DGCR2: variants seen among roughly 807,000 people sequenced by gnomAD.
The protein encoded by DGCR2 is integral membrane protein DGCR2/IDD.
A neutral mutation model predicts 51.6 loss-of-function variants in DGCR2; 24 were observed. The ratio of observed to expected loss-of-function variants is 0.47; its 90% confidence interval spans 0.34 to 0.65. The LOEUF (loss-of-function observed/expected upper bound fraction) is 0.65, where lower values mean the gene tolerates loss of function less well. Ranked by LOEUF, DGCR2 falls within the 30% of genes least tolerant of loss-of-function variation. DGCR2 has a pLI of 0.01. For synonymous variants in DGCR2, 340 were observed against 315.4 expected, an observed-to-expected ratio of 1.08 and a Z score of -0.82; for missense variants, 765 against 772.1, an observed-to-expected ratio of 0.99 and a Z score of 0.11.
intron 1 of DGCR2, among the ~76,000 whole-genome samples, chr22:19,118,593 T>C (rs1038507715): frequency 3.9e-5 from 6 of 152,086 alleles, no homozygotes; most frequent in Admixed American, 1.3e-4. Context: ...CTCTCCCAGC[T>C]AGCTGTACCA....
At chr22:19,101,756 A>AAG (rs36031898) in intron 1 of DGCR2, among the ~76,000 whole-genome samples, 1 of 146,010 alleles carries the variant, frequency 6.8e-6, no homozygotes, top group Non-Finnish European at 1.5e-5. Context: ...AAAAAAAAAA[A>AAG]GTGAATGTGG....
At chr22:19,102,894 T>C (rs552203162) in intron 1 of DGCR2, among the ~76,000 whole-genome samples, 186 of 152,182 alleles carry the variant, frequency 1.2e-3, no homozygotes, top group Non-Finnish European at 2.1e-3. Context: ...TGGTCCTAGC[T>C]ACTCCGGAGG....
At chr22:19,071,946 A>G (rs776140227) in intron 2 of DGCR2, among the ~76,000 whole-genome samples, 1 of 152,186 alleles carries the variant, frequency 6.6e-6, no homozygotes, top group Non-Finnish European at 1.5e-5. Flanking sequence ...GCGGCAGGAC[A>G]CTATCAGCTG....
At chr22:19,089,805 T>C (rs1475267136) in intron 1 of DGCR2, among the ~76,000 whole-genome samples, 3 of 152,254 alleles carry the variant, frequency 2.0e-5, no homozygotes, top group Non-Finnish European at 4.4e-5. Flanking sequence ...GGTCTTGAAC[T>C]CCTGGCCTCA....
intron 1 of DGCR2, among the ~76,000 whole-genome samples, chr22:19,107,144 A>C (rs2083268352): frequency 6.8e-6 from 1 of 147,630 alleles, no homozygotes; most frequent in South Asian, 2.1e-4. Flanking sequence ...ACACATAACC[A>C]CCAAACCCAT....
intron 1 of DGCR2, among the ~76,000 whole-genome samples, chr22:19,117,008 C>G (rs967122208): frequency 3.3e-5 from 5 of 152,144 alleles, no homozygotes; most frequent in Admixed American, 2.0e-4. Flanking sequence ...ACAACCAGAT[C>G]ACCTCCCACC....
At position 19,057,288 on chromosome 22, in the gene DGCR2, G is replaced by C. The variant is rs1321930102; in HGVS notation, c.626-126C>G. ...AGGGCCTGGACCGCCAAGTACTGGT[G>C]GTCACTGTGGCCAGGTGTTCACTCG... On this transcript the variant is annotated intron_variant, in intron 5 of 9. Coordinates refer to ENST00000263196, the MANE Select transcript of DGCR2 (RefSeq NM_005137.3). This position sits in a 1 kb window ranked among gnomAD's most constrained non-coding sequence, Gnocchi z 5.1. The C allele has an allele frequency of 1.9e-6, 2 of 1,077,708 alleles. No homozygotes were observed. Among genetic ancestry groups the C allele is most frequent in the Non-Finnish European group, 2.6e-6 (2 of 771,558 alleles). The allele number at this position is 1,077,708 out of a possible 1,614,324, so 66.8% of individuals were successfully genotyped here. A position where few individuals can be genotyped will look rare whatever the true frequency, so the allele number is the denominator to read the frequency against.
intron 4 of DGCR2, 107 bp from the exon 5 acceptor site, chr22:19,063,385 G>C: frequency 6.7e-6 from 7 of 1,037,150 alleles, no homozygotes; most frequent in South Asian, 2.8e-5. Context: ...TCTGTCACCA[G>C]GATGGAGTGC....
At chr22:19,098,257 T>C (rs1355740401) in intron 1 of DGCR2, among the ~76,000 whole-genome samples, 1 of 152,130 alleles carries the variant, frequency 6.6e-6, no homozygotes, top group Non-Finnish European at 1.5e-5. Context: ...CTCCCCTAAC[T>C]GAGTCGGCCT....
At chr22:19,039,574 G>A (rs544703422) in intron 9 of DGCR2, among the ~76,000 whole-genome samples, 96 of 152,296 alleles carry the variant, frequency 6.3e-4, no homozygotes, top group African/African-American at 2.2e-3. Context: ...GGCTGCAGCT[G>A]GAATGTGGCA....
chr22:19,098,145 C>A (rs1327991595), intron 1 of DGCR2, among the ~76,000 whole-genome samples: 3 of 152,164 alleles, frequency 2.0e-5, no homozygotes, highest in African/African-American at 7.2e-5. Flanking sequence ...TGTCTTGCTA[C>A]ATCCTGAACA....
chr22:19,047,469 A>C (rs2082502271), intron 7 of DGCR2: 1 of 152,238 alleles, frequency 6.6e-6, no homozygotes, highest in Non-Finnish European at 1.5e-5. Flanking sequence ...CCACAAGTCC[A>C]GGGGCTTCCA....
At chr22:19,074,721 A>G (rs1369939631) in intron 2 of DGCR2, among the ~76,000 whole-genome samples, 3 of 152,270 alleles carry the variant, frequency 2.0e-5, no homozygotes, top group Non-Finnish European at 4.4e-5. Context: ...AATTGTATGC[A>G]TAAGTAACTT....
intron 6 of DGCR2, among the ~76,000 whole-genome samples, chr22:19,054,657 G>A (rs2082582247): frequency 6.6e-6 from 1 of 152,020 alleles, no homozygotes; most frequent in East Asian, 1.9e-4. Context: ...CTTGAGCCTA[G>A]GAGTTCAAGA....
chr22:19,109,678 A>G (rs1335952730), intron 1 of DGCR2, among the ~76,000 whole-genome samples: 1 of 152,192 alleles, frequency 6.6e-6, no homozygotes, highest in African/African-American at 2.4e-5. Context: ...TGCAAGATGA[A>G]AACATTCTAG....
chr22:19,084,766 G>A (rs1412817039), intron 2 of DGCR2, among the ~76,000 whole-genome samples: 1 of 146,840 alleles, frequency 6.8e-6, no homozygotes, highest in East Asian at 2.1e-4. Flanking sequence ...GGAGGTGGGG[G>A]GTCAGCCCCC....
In DGCR2 at chr22:19,038,863, G is replaced by A. The variant is rs767390108; in HGVS notation, c.*2C>T. ...AGACCGTTGGGGTACAGGCCAGGCC[G>A]TCTACACCACAGTATTGAGGGAGCT... is the stretch of plus-strand genomic sequence containing the variant. On this transcript the variant is annotated 3_prime_UTR_variant, in exon 10 of 10. Coordinates refer to ENST00000263196, the MANE Select transcript of DGCR2 (RefSeq NM_005137.3). 38 of 1,612,254 alleles carry A rather than the reference G, an allele frequency of 2.4e-5. No individual in the cohort carries two copies. Among genetic ancestry groups the A allele is most frequent in the African/African-American group, 1.9e-4 (14 of 74,890 alleles).
intron 2 of DGCR2, among the ~76,000 whole-genome samples, chr22:19,085,471 G>T (rs940534780): frequency 4.6e-5 from 7 of 152,178 alleles, no homozygotes; most frequent in Non-Finnish European, 8.8e-5. Flanking sequence ...AGGAAGAAAG[G>T]TTCCACCTCC....
At chr22:19,094,339 TG>T (rs1344731634) in intron 1 of DGCR2, among the ~76,000 whole-genome samples, 1 of 152,182 alleles carries the variant, frequency 6.6e-6, no homozygotes, top group Non-Finnish European at 1.5e-5. Context: ...GAGGCAGAAT[TG>T]CTTGAACCCA....
Sources: gnomAD v4.1 joint callset for allele counts (sites outside exome capture counted in the v4.1 genomes callset) on GRCh38, gnomAD v4.1.1 for gene constraint, Gnocchi (gnomAD v3.1) non-coding constraint, MANE v1.5 for transcripts, NCBI Gene and HGNC (gene_info 2026-07-23, HGNC 2026-07-21) for gene names.